The following DCTN5 variants were observed in gnomAD, a reference collection of about 807,000 sequenced individuals.
DCTN5 encodes dynactin 4.
A neutral mutation model predicts 23.5 loss-of-function variants in DCTN5; 14 were observed. The ratio of observed to expected loss-of-function variants is 0.60; its 90% CI spans 0.39 to 0.93. The LOEUF is 0.93. Ranked by LOEUF, DCTN5 falls within the 40% of genes least tolerant of loss-of-function variation. The pLI is 0.00. For missense variants in DCTN5, 156 were observed against 225.9 expected, an observed-to-expected ratio of 0.69 and a Z score of 1.98; for synonymous variants, 67 against 79.6, an observed-to-expected ratio of 0.84 and a Z score of 0.84.
At chr16:23,655,858 A>C (rs1030510832) in intron 2 of DCTN5, among the ~76,000 whole-genome samples, 2 of 152,140 alleles carry the variant, frequency 1.3e-5, no homozygotes, top group African/African-American at 4.8e-5. Context: ...TGGTATTTTA[A>C]AACAAATTGC....
At chr16:23,652,479 T>G (rs1252633304) in intron 2 of DCTN5, among the ~76,000 whole-genome samples, 2 of 152,246 alleles carry the variant, frequency 1.3e-5, no homozygotes, top group Non-Finnish European at 2.9e-5. Flanking sequence ...CATTTTATTA[T>G]GGAACTAAAA....
chr16:23,652,717 T>C (rs1467831721), intron 2 of DCTN5, among the ~76,000 whole-genome samples: 1 of 152,212 alleles, frequency 6.6e-6, no homozygotes, highest in Non-Finnish European at 1.5e-5. Flanking sequence ...TAGATTAGTT[T>C]TGCATTTTCT....
At chr16:23,648,632 G>GA (rs1967528462) in intron 2 of DCTN5, among the ~76,000 whole-genome samples, 1 of 151,764 alleles carries the variant, frequency 6.6e-6, no homozygotes, top group African/African-American at 2.4e-5. Context: ...TTACAGGTGT[G>GA]GGCCACCACA....
intron 4 of DCTN5, among the ~76,000 whole-genome samples, chr16:23,661,717 T>TATAA (rs370377120): frequency 0.11 from 16,433 of 148,444 alleles, 1,269 homozygotes; most frequent in African/African-American, 0.19. Context: ...GACACTGTCT[T>TATAA]ATAAATAAAT....
Position 23,658,602 on chromosome 16 carries a change from A to C in DCTN5, c.213A>C (p.Pro71=), listed in dbSNP as rs755689600. The change falls in exon 3 of 6, where the codon CCA becomes CCC. Residue 71 remains proline, a synonymous_variant. Transcript: ENST00000300087. Reference sequence around the variant, plus strand: ...TGAAAAGTCGTAGTGTCATAAGGCCACCATTCAAGAAGTTCAGCAAAGGGT... The same window carrying C: ...TGAAAAGTCGTAGTGTCATAAGGCCCCCATTCAAGAAGTTCAGCAAAGGGT... ...CVVKSRSVIR[P]PFKKFSKGVA... The C allele has an allele frequency of 3.2e-5, 52 of 1,614,118 alleles. 1 individual carries two copies. In the Middle Eastern group the frequency reaches 1.2e-3, roughly 36 times the overall value.
Position 23,677,109 on chromosome 16 carries a change from G to A in DCTN5, c.*9965G>A, listed in dbSNP as rs975825599. 2.6e-5 allele frequency: 4 copies of A among 152,256 alleles called. No homozygotes were observed. Among genetic ancestry groups the A allele is most frequent in the Non-Finnish European group, 5.9e-5 (4 of 68,054 alleles). The allele number at this position is 152,256 out of a possible 1,614,324, so 9.4% of individuals were successfully genotyped here. ...TATGTGACTCTGCTGGGAGAGGACT[G>A]TGGGAGGCTTACACCTGGTTTCCCT... is the stretch of plus-strand genomic sequence containing the variant. On this transcript the variant is annotated 3_prime_UTR_variant, in exon 6 of 6. Transcript: ENST00000300087.
At chr16:23,658,828 A>G (rs984729078) in intron 3 of DCTN5, among the ~76,000 whole-genome samples, 9 of 152,166 alleles carry the variant, frequency 5.9e-5, no homozygotes, top group Non-Finnish European at 8.8e-5. Flanking sequence ...CCGCTTACAC[A>G]CTGGCAAAAG....
intron 4 of DCTN5, among the ~76,000 whole-genome samples, chr16:23,662,712 A>G (rs916320001): frequency 6.6e-6 from 1 of 152,178 alleles, no homozygotes; most frequent in Non-Finnish European, 1.5e-5. Flanking sequence ...AAAGTTAGTA[A>G]AGTTCATCTC....
intron 2 of DCTN5, among the ~76,000 whole-genome samples, chr16:23,646,593 T>A (rs965840747): frequency 1.3e-5 from 2 of 152,168 alleles, no homozygotes; most frequent in Non-Finnish European, 2.9e-5. Context: ...TTTTGTTTTT[T>A]GAGACGGAGT....
chr16:23,642,939 C>T lies in DCTN5; in HGVS notation c.49-16C>T, dbSNP rs369282000. On this transcript the variant is annotated splice_polypyrimidine_tract_variant and intron_variant, in intron 1 of 5. Transcript: ENST00000300087. ...ATTAAGTTTGCTTTCCCCGGTTTTCCGTTGTTTTCTTTTAGGCATCTGGGA... is the reference window on the plus strand; with the variant it reads ...ATTAAGTTTGCTTTCCCCGGTTTTCTGTTGTTTTCTTTTAGGCATCTGGGA... The T allele has an allele frequency of 4.3e-6, 7 of 1,612,978 alleles. No individual in the cohort carries two copies. Among genetic ancestry groups the T allele is most frequent in the African/African-American group, 1.3e-5 (1 of 74,820 alleles).
In DCTN5 at chr16:23,667,809, G is replaced by T. The variant is rs1421454405; in HGVS notation, c.*665G>T. On this transcript the variant is annotated 3_prime_UTR_variant, in exon 6 of 6. Coordinates refer to ENST00000300087, the MANE Select transcript of DCTN5 (RefSeq NM_032486.4). ...AGGGCCTTTGGCTTTCACTAAAAGT[G>T]GGGACCTCAGTATCCCAGATTGTAA... The T allele has an allele frequency of 6.6e-6, 1 of 152,268 alleles. No homozygotes were observed. The highest frequency in any genetic ancestry group is 2.1e-4 in the South Asian group (1 of 4,832). The allele number at this position is 152,268 out of a possible 1,614,324, so 9.4% of individuals were successfully genotyped here.
At chr16:23,665,219 G>C (rs1351372457) in intron 4 of DCTN5, among the ~76,000 whole-genome samples, 1 of 152,150 alleles carries the variant, frequency 6.6e-6, no homozygotes, top group Non-Finnish European at 1.5e-5. Flanking sequence ...TGTGGGCTGG[G>C]GGGTGAAGCA....
At chr16:23,642,691 T>G (rs1220815357) in intron 1 of DCTN5, 4 of 392,230 alleles carry the variant, frequency 1.0e-5, no homozygotes, top group Non-Finnish European at 1.9e-5. Flanking sequence ...CTCACTATGT[T>G]GCCTAGGCTG....
At chr16:23,658,361 C>A (rs970304609) in intron 2 of DCTN5, 146 bp from the exon 3 acceptor site, 11 of 643,618 alleles carry the variant, frequency 1.7e-5, no homozygotes, top group Middle Eastern at 4.1e-4. Context: ...TTTTACCTTA[C>A]AATTTATTCC....
At chr16:23,645,125 ATATATATATATATTT>A (rs1967420424) in intron 2 of DCTN5, among the ~76,000 whole-genome samples, 1 of 31,790 alleles carries the variant, frequency 3.1e-5, no homozygotes, top group African/African-American at 1.8e-4. Context: ...ATATATATAT[ATATATATATATATTT>A]TTTTTTTTTT....
chr16:23,658,471 T>C, intron 2 of DCTN5, 36 bp from the exon 3 acceptor site: 2 of 1,399,304 alleles, frequency 1.4e-6, no homozygotes, highest in Non-Finnish European at 2.0e-6. Flanking sequence ...TCTTAGGCTA[T>C]GTTGCTAATT....
intron 2 of DCTN5, among the ~76,000 whole-genome samples, chr16:23,645,137 A>ATATATATTT (rs1555462995): frequency 3.2e-5 from 1 of 30,806 alleles, no homozygotes; most frequent in Non-Finnish European, 5.6e-5. Context: ...ATATATATAT[A>ATATATATTT]TTTTTTTTTT....
chr16:23,647,628 C>T (rs1234147105), intron 2 of DCTN5, among the ~76,000 whole-genome samples: 2 of 151,796 alleles, frequency 1.3e-5, no homozygotes, highest in African/African-American at 4.8e-5. Flanking sequence ...CTGCCTCAGC[C>T]TCCCCAGTAC....
In DCTN5 at chr16:23,671,068, C is replaced by G. The variant is rs1967997861; in HGVS notation, c.*3924C>G. ...AAATACAGAGAGGGTCTGAGGGGCC[C>G]ATTTTGAGAGCCATCATAGTGGTGA... On this transcript the variant is annotated 3_prime_UTR_variant, in exon 6 of 6. Transcript: ENST00000300087. 6.6e-6 allele frequency: 1 copy of G among 152,116 alleles called. No individual in the cohort carries two copies. The highest frequency in any genetic ancestry group is 1.5e-5 in the Non-Finnish European group (1 of 68,024). The allele number at this position is 152,116 out of a possible 1,614,324, so 9.4% of individuals were successfully genotyped here. A position where few individuals can be genotyped will look rare whatever the true frequency, so the allele number is the denominator to read the frequency against.
Sources: gnomAD v4.1 joint callset for allele counts (sites outside exome capture counted in the v4.1 genomes callset) on GRCh38, gnomAD v4.1.1 for gene constraint, MANE v1.5 for transcripts, NCBI Gene and HGNC (gene_info 2026-07-23, HGNC 2026-07-21) for gene names.